The following SVEP1 variants were observed in gnomAD, a reference collection of about 807,000 sequenced individuals.
SVEP1 encodes sushi, von Willebrand factor type A, EGF and pentraxin domain containing 1, also known as sushi, von Willebrand factor type A, EGF and pentraxin domain-containing protein 1.
SVEP1 carries 164 observed loss-of-function variants against 367.3 expected under a neutral mutation model. The observed-to-expected ratio is 0.45, with a 90% confidence interval of 0.39 to 0.51. The LOEUF (loss-of-function observed/expected upper bound fraction) is 0.51, where lower values mean the gene tolerates loss of function less well. SVEP1 is among the 20% of genes least tolerant of loss of function. SVEP1 has a pLI of 0.00. For missense variants in SVEP1, 4,117 were observed against 4,425.3 expected, an observed-to-expected ratio of 0.93 and a Z score of 1.98; for synonymous variants, 1,666 against 1,611.6, an observed-to-expected ratio of 1.03 and a Z score of -0.81.
intron 5 of SVEP1, among the ~76,000 whole-genome samples, chr9:110,511,269 A>C (rs956047567): frequency 1.3e-5 from 2 of 152,160 alleles, no homozygotes; most frequent in Non-Finnish European, 2.9e-5. Context: ...GCTCAGGGAT[A>C]TATCTTTAGA....
At chr9:110,459,423 TAATAA>T (rs1371879880) in intron 18 of SVEP1, among the ~76,000 whole-genome samples, 10 of 152,340 alleles carry the variant, frequency 6.6e-5, no homozygotes, top group African/African-American at 1.9e-4. Context: ...GTATAGATTT[TAATAA>T]AATAAAAATG....
chr9:110,511,488 CTTTTTTTTTTTTTTTTTTTTTTTTTT>C (rs199993986), intron 5 of SVEP1, among the ~76,000 whole-genome samples: 37,471 of 78,162 alleles, frequency 0.48, 5,765 homozygotes, highest in Middle Eastern at 0.63. Context: ...GTGTCAGTAC[CTTTTTTTTTTTTTTTTTTTTTTTTTT>C]TTTTTTTTTT....
In SVEP1 at chr9:110,434,529, C is replaced by T. The variant is rs1465706873; in HGVS notation, c.4889-23G>A. 2.5e-6 allele frequency: 4 copies of T among 1,605,924 alleles called. 1 individual carries two copies. Among genetic ancestry groups the T allele is most frequent in the Admixed American group, 1.7e-5 (1 of 59,586 alleles). On this transcript the variant is annotated intron_variant, in intron 29 of 47. Transcript: ENST00000374469. ...AATCTGAGGGCAAAGAACACAGGTG[C>T]AGAGCTTGTCAGCGGCATAGTGGTA... is the stretch of plus-strand genomic sequence containing the variant.
At chr9:110,533,462 C>G (rs2118821386) in intron 3 of SVEP1, among the ~76,000 whole-genome samples, 1 of 152,276 alleles carries the variant, frequency 6.6e-6, no homozygotes, top group South Asian at 2.1e-4. Context: ...AATAACTATA[C>G]ATGATATGAG....
intron 38 of SVEP1, 55 bp downstream of exon 38, chr9:110,406,105 T>C: frequency 1.3e-6 from 2 of 1,502,938 alleles, no homozygotes; most frequent in South Asian, 1.4e-5. Context: ...ATCGATCACA[T>C]TTCATTTCAT....
At position 110,407,771 on chromosome 9, in the gene SVEP1, G is replaced by A. The variant is rs1827978555; in HGVS notation, c.7829C>T (p.Pro2610Leu). The A allele has an allele frequency of 1.9e-6, 3 of 1,613,838 alleles. No individual in the cohort carries two copies. The highest frequency in any genetic ancestry group is 2.5e-6 in the Non-Finnish European group (3 of 1,179,890). The change falls in exon 38 of 48, where the codon CCA becomes CTA. Residue 2610 changes from proline (P) to leucine (L), a missense_variant. Physicochemically the swap from Pro to Leu is moderately conservative, Grantham distance 98 (BLOSUM62 -3). This residue lies in a region of SVEP1 where 1,765 missense variants were observed against 1,781.1 expected (regional missense o/e 0.99). Transcript: ENST00000374469. ...ATGAGGAGGGAGGCCACAGTCTATTGGCATACATGTTGGGATGGAACTTGA... is the reference window on the plus strand; with the variant it reads ...ATGAGGAGGGAGGCCACAGTCTATTAGCATACATGTTGGGATGGAACTTGA... ...GWSSSIPTCM[P>L]IDCGLPPHID...
At chr9:110,456,874 T>C (rs185096600) in intron 21 of SVEP1, among the ~76,000 whole-genome samples, 1 of 152,334 alleles carries the variant, frequency 6.6e-6, no homozygotes, top group Admixed American at 6.5e-5. Context: ...TATTAGTGTG[T>C]AGCAAATCAG....
intron 17 of SVEP1, among the ~76,000 whole-genome samples, chr9:110,467,664 C>T (rs1828957854): frequency 6.9e-6 from 1 of 144,798 alleles, no homozygotes; most frequent in Non-Finnish European, 1.5e-5. Context: ...GAGATAGGGT[C>T]TTGCTCTGTC....
At chr9:110,529,361 C>T (rs919527636) in intron 3 of SVEP1, among the ~76,000 whole-genome samples, 1 of 151,900 alleles carries the variant, frequency 6.6e-6, no homozygotes, top group Non-Finnish European at 1.5e-5. Context: ...TATTTGGCTC[C>T]ATATGAATTT....
intron 13 of SVEP1, among the ~76,000 whole-genome samples, chr9:110,477,764 G>T (rs73655365): frequency 0.019 from 2,921 of 152,022 alleles, 83 homozygotes; most frequent in African/African-American, 0.066. Context: ...ACTTTCAGAA[G>T]ATATAAAAAA....
At chr9:110,374,254 G>GT (rs1827317686) in intron 46 of SVEP1, among the ~76,000 whole-genome samples, 1 of 152,080 alleles carries the variant, frequency 6.6e-6, no homozygotes, top group Admixed American at 6.6e-5. Context: ...GTGGTATTTG[G>GT]TTTTTTGTTC....
intron 44 of SVEP1, among the ~76,000 whole-genome samples, chr9:110,378,134 A>T: frequency 6.6e-6 from 1 of 152,178 alleles, no homozygotes; most frequent in African/African-American, 2.4e-5. Context: ...AATCATCATC[A>T]TCATCATCTA....
Position 110,434,483 on chromosome 9 carries a change from C to T in SVEP1, c.4912G>A (p.Val1638Met), listed in dbSNP as rs372374743. 6.2e-7 allele frequency: 1 copy of T among 1,613,136 alleles called. No individual in the cohort carries two copies. The highest frequency in any genetic ancestry group is 1.1e-5 in the South Asian group (1 of 91,002). The change falls in exon 30 of 48, where the codon GTG (valine) becomes ATG (methionine). Residue 1638 changes from valine to methionine, a missense_variant. Val to Met is a conservative substitution (Grantham distance 21). Coordinates refer to ENST00000374469, the MANE Select transcript of SVEP1 (RefSeq NM_153366.4). ...CSDCPRLGGS[V>M]PHLRTASEDL... ...TCAGATGCAGTTCTCAGATGAGGCACTGACCCTCCTAAGCGTGGGCAATCT... is the reference window on the plus strand; with the variant it reads ...TCAGATGCAGTTCTCAGATGAGGCATTGACCCTCCTAAGCGTGGGCAATCT...
chr9:110,451,353 T>C lies in SVEP1; in HGVS notation c.3837A>G (p.Leu1279=). ...NINECSSSPC[L]NKGICVDGVA... ...CACCATCAACACAGATTCCTTTATTTAAACAAGGACTGGAGCTACACTCAT... is the reference window on the plus strand; with the variant it reads ...CACCATCAACACAGATTCCTTTATTCAAACAAGGACTGGAGCTACACTCAT... Residue 1279 remains leucine (L), a synonymous_variant, in exon 23 of 48, where the codon TTA becomes TTG. Transcript: ENST00000374469. 6.2e-7 allele frequency: 1 copy of C among 1,613,792 alleles called. No homozygotes were observed. The highest frequency in any genetic ancestry group is 8.5e-7 in the Non-Finnish European group (1 of 1,179,768).
chr9:110,440,876 C>T (rs1198961002), intron 27 of SVEP1, among the ~76,000 whole-genome samples: 1 of 152,086 alleles, frequency 6.6e-6, no homozygotes, highest in African/African-American at 2.4e-5. Context: ...TATCAATAAG[C>T]TAATCTAAGT....
At chr9:110,439,268 G>T (rs10980388) in intron 27 of SVEP1, among the ~76,000 whole-genome samples, 13 of 152,094 alleles carry the variant, frequency 8.5e-5, no homozygotes, top group Admixed American at 6.5e-4. Flanking sequence ...TGCCATGTGA[G>T]GATACAGTGA....
intron 3 of SVEP1, among the ~76,000 whole-genome samples, chr9:110,526,525 G>A (rs527438211): frequency 6.6e-6 from 1 of 152,066 alleles, no homozygotes; most frequent in African/African-American, 2.4e-5. Flanking sequence ...AAATAGTGAC[G>A]ACACCAAGTG....
At chr9:110,412,021 T>A (rs1185135584) in intron 36 of SVEP1, among the ~76,000 whole-genome samples, 1 of 152,192 alleles carries the variant, frequency 6.6e-6, no homozygotes, top group Non-Finnish European at 1.5e-5. Flanking sequence ...TCAAATGACT[T>A]GCATTTGAGA....
At chr9:110,416,155 T>G (rs1396607867) in intron 36 of SVEP1, among the ~76,000 whole-genome samples, 1 of 151,820 alleles carries the variant, frequency 6.6e-6, no homozygotes, top group Non-Finnish European at 1.5e-5. Context: ...AAACATATTT[T>G]CCATCACAAA....
Sources: allele counts gnomAD v4.1 joint callset (sites outside exome capture counted in the v4.1 genomes callset), GRCh38; gene constraint gnomAD v4.1.1; regional missense constraint gnomAD v4.1.1; transcripts MANE v1.5; gene names NCBI Gene and HGNC (gene_info 2026-07-23, HGNC 2026-07-21).